MND1: variants seen among roughly 807,000 people sequenced by gnomAD.
MND1 encodes the protein meiotic nuclear divisions 1.
MND1 carries 28 observed loss-of-function variants against 35.1 expected under a neutral mutation model. The ratio of observed to expected loss-of-function variants is 0.80; its 90% CI spans 0.59 to 1.09. The LOEUF is 1.09. MND1 is among the 50% of genes least tolerant of loss of function. The pLI is 0.00. For synonymous variants in MND1, 69 were observed against 70.5 expected (o/e 0.98, Z 0.11); for missense variants, 213 against 239.6 (o/e 0.89, Z 0.73).
chr4:153,401,631 C>T (rs1267582623), intron 6 of MND1, among the ~76,000 whole-genome samples: 1 of 152,052 alleles, frequency 6.6e-6, no homozygotes, highest in Non-Finnish European at 1.5e-5. Flanking sequence ...ACAGATTATA[C>T]TGGATTAAAG....
intron 4 of MND1, among the ~76,000 whole-genome samples, chr4:153,367,273 C>T (rs944047339): frequency 7.9e-5 from 12 of 152,114 alleles, no homozygotes; most frequent in African/African-American, 2.7e-4. Context: ...CAAACAGAAA[C>T]GCTCTACTCT....
intron 3 of MND1, among the ~76,000 whole-genome samples, chr4:153,358,201 G>A (rs2149633117): frequency 6.6e-6 from 1 of 152,254 alleles, no homozygotes; most frequent in South Asian, 2.1e-4. Context: ...CTAAGAGTTA[G>A]GATTAGAACT....
At chr4:153,405,835 C>T (rs756046983) in intron 6 of MND1, among the ~76,000 whole-genome samples, 72 of 152,062 alleles carry the variant, frequency 4.7e-4, no homozygotes, top group African/African-American at 1.5e-3. Flanking sequence ...GACGGAGTCT[C>T]ACTCTGTCAC....
intron 1 of MND1, among the ~76,000 whole-genome samples, chr4:153,345,128 C>G (rs1363259431): frequency 6.6e-6 from 1 of 152,162 alleles, no homozygotes; most frequent in African/African-American, 2.4e-5. Context: ...AACCTGGGCT[C>G]CCTACGCCTC....
At chr4:153,351,002 A>G (rs1579891486) in intron 2 of MND1, among the ~76,000 whole-genome samples, 1 of 151,830 alleles carries the variant, frequency 6.6e-6, no homozygotes, top group East Asian at 1.9e-4. Context: ...CCCACTAAGT[A>G]TAATCTTATT....
chr4:153,365,823 T>A (rs1773624534), intron 4 of MND1, among the ~76,000 whole-genome samples: 1 of 152,226 alleles, frequency 6.6e-6, no homozygotes, highest in Admixed American at 6.5e-5. Flanking sequence ...AATTGTTGGA[T>A]TCTGGACGTA....
chr4:153,367,016 T>C (rs776423522), intron 4 of MND1, among the ~76,000 whole-genome samples: 45 of 152,188 alleles, frequency 3.0e-4, no homozygotes, highest in Non-Finnish European at 6.0e-4. Context: ...CTCCCCTTCT[T>C]ACTCTCCCCG....
intron 6 of MND1, among the ~76,000 whole-genome samples, chr4:153,399,686 A>G (rs1206847462): frequency 6.6e-6 from 1 of 152,172 alleles, no homozygotes; most frequent in African/African-American, 2.4e-5. Context: ...GGAGGGTGGA[A>G]TAACACAGTT....
chr4:153,358,103 C>G (rs1397560587), intron 3 of MND1, among the ~76,000 whole-genome samples: 1 of 152,054 alleles, frequency 6.6e-6, no homozygotes, highest in Non-Finnish European at 1.5e-5. Flanking sequence ...TGCTATGCAC[C>G]AAAGTAAGTA....
chr4:153,402,059 G>A (rs748470197), intron 6 of MND1, among the ~76,000 whole-genome samples: 4 of 152,138 alleles, frequency 2.6e-5, no homozygotes, highest in Non-Finnish European at 5.9e-5. Context: ...GGACGCTGAG[G>A]CAGGAGAATC....
chr4:153,360,606 GTA>G lies in MND1; in HGVS notation c.276+1995_276+1996del, dbSNP rs70963165. On this transcript the variant is annotated intron_variant, in intron 4 of 7. Transcript: ENST00000240488. ...TGTATGTGTGTGTGTGTGTGTGTGTGTATATATATATACACATAAAAATACAC... is the reference window on the plus strand; with the variant it reads ...TGTATGTGTGTGTGTGTGTGTGTGTGTATATATATACACATAAAAATACAC... Among the ~76,000 whole-genome samples, 55 of 143,434 alleles carry G rather than the reference GTA, an allele frequency of 3.8e-4. 1 individual carries two copies. The highest frequency in any genetic ancestry group is 2.0e-3 in the East Asian group (10 of 5,008). 94.1% of individuals were successfully genotyped at this position (143,434 alleles called of 152,430 possible). A position where few individuals can be genotyped will look rare whatever the true frequency, so the allele number is the denominator to read the frequency against.
At chr4:153,379,704 G>T (rs1728614869) in intron 4 of MND1, among the ~76,000 whole-genome samples, 1 of 151,836 alleles carries the variant, frequency 6.6e-6, no homozygotes, top group Non-Finnish European at 1.5e-5. Flanking sequence ...ACAAAAATTA[G>T]CTGGGCATGG....
At position 153,371,058 on chromosome 4, in the gene MND1, A is replaced by T. The variant is rs114106499; in HGVS notation, c.276+12436A>T. Among the ~76,000 whole-genome samples the T allele has an allele frequency of 7.3e-3, 1,109 of 152,190 alleles. 10 individuals are homozygous for T. The highest frequency in any genetic ancestry group is 0.026 in the African/African-American group (1,062 of 41,560). On this transcript the variant is annotated intron_variant, in intron 4 of 7. Coordinates refer to ENST00000240488, the MANE Select transcript of MND1 (RefSeq NM_032117.4). ...ATATCTTCCTCAGAGTTCTTGGGTG[A>T]CTAGGTACATTGTCATTGGGCAGTA...
intron 2 of MND1, among the ~76,000 whole-genome samples, chr4:153,352,653 C>A (rs888932777): frequency 2.7e-5 from 4 of 147,964 alleles, no homozygotes; most frequent in Admixed American, 2.1e-4. Context: ...GCAGGAGGAT[C>A]TGTTGAGCCC....
intron 4 of MND1, among the ~76,000 whole-genome samples, chr4:153,365,566 A>G (rs751909296): frequency 1.3e-5 from 2 of 152,122 alleles, no homozygotes; most frequent in Non-Finnish European, 2.9e-5. Context: ...ATTTAAGAAA[A>G]AGGAAAGAGA....
chr4:153,380,307 T>C (rs1228095081), intron 4 of MND1, among the ~76,000 whole-genome samples: 1 of 152,210 alleles, frequency 6.6e-6, no homozygotes, highest in Non-Finnish European at 1.5e-5. Context: ...GATTTCTTTT[T>C]TTTTGGCATT....
intron 1 of MND1, among the ~76,000 whole-genome samples, chr4:153,347,150 C>G (rs1773094605): frequency 1.3e-5 from 2 of 152,054 alleles, no homozygotes; most frequent in African/African-American, 4.8e-5. Context: ...CAGTTTAGGA[C>G]CTATTGGACT....
At chr4:153,406,778 C>T (rs1258159795) in intron 6 of MND1, among the ~76,000 whole-genome samples, 3 of 152,306 alleles carry the variant, frequency 2.0e-5, no homozygotes, top group African/African-American at 7.2e-5. Flanking sequence ...TACTACTTCA[C>T]ACTTCTATTA....
At chr4:153,371,536 CTT>C (rs1302856762) in intron 4 of MND1, among the ~76,000 whole-genome samples, 1 of 152,056 alleles carries the variant, frequency 6.6e-6, no homozygotes, top group African/African-American at 2.4e-5. Flanking sequence ...TTTCCTTAAA[CTT>C]TATGAGTCAA....
Sources: allele counts gnomAD v4.1 joint callset (sites outside exome capture counted in the v4.1 genomes callset), GRCh38; gene constraint gnomAD v4.1.1; transcripts MANE v1.5; gene names NCBI Gene and HGNC (gene_info 2026-07-23, HGNC 2026-07-21).